The following COL12A1 variants were observed in gnomAD, a reference collection of about 807,000 sequenced individuals.
COL12A1 encodes the protein collagen type XII alpha 1 chain.
In COL12A1, 114 loss-of-function variants were observed where a neutral mutation model predicts 349.7. That is an observed-to-expected ratio of 0.33 (90% CI 0.28 to 0.38). COL12A1 has a LOEUF of 0.38. COL12A1 is among the 10% of genes least tolerant of loss of function. COL12A1 has a pLI of 1.00. For synonymous variants in COL12A1, 1,369 were observed against 1,329.0 expected (o/e 1.03, Z -0.66); for missense variants, 3,284 against 3,756.9 (o/e 0.87, Z 3.29).
rs190170428 is a variant in COL12A1, at chr6:75,178,325, G to A, written c.2165-390C>T. Among the ~76,000 whole-genome samples, 445 of 152,158 alleles carry A rather than the reference G, an allele frequency of 2.9e-3. 3 individuals are homozygous for A. The highest frequency in any genetic ancestry group is 5.0e-3 in the Non-Finnish European group (339 of 68,006). On this transcript the variant is annotated intron_variant, in intron 11 of 65. Coordinates refer to ENST00000322507, the MANE Select transcript of COL12A1 (RefSeq NM_004370.6). The stretch of plus-strand genomic sequence containing the variant: ...TTTCACTCTTACTACATTTTCTCAC[G>A]AAACTAGGAAAATAACACCTAACAC...
rs1247431265 is a variant in COL12A1, at chr6:75,151,240, G to A, written c.4048C>T (p.Pro1350Ser). ...EVELKMIATD[P>S]DDTHAYNVAD... ...ACATTGTATGCATGGGTATCATCAG[G>A]ATCAGTTGCAATCATCTTTAATTCG... Residue 1350 changes from proline (P) to serine (S), a missense_variant, in exon 21 of 66, where the codon CCT becomes TCT. Coordinates refer to ENST00000322507, the MANE Select transcript of COL12A1 (RefSeq NM_004370.6). 1 of 1,613,176 alleles carries A rather than the reference G, an allele frequency of 6.2e-7. No homozygotes were observed. The highest frequency in any genetic ancestry group is 8.5e-7 in the Non-Finnish European group (1 of 1,179,352).
At chr6:75,203,161 TC>T (rs1290667211) in intron 1 of COL12A1, among the ~76,000 whole-genome samples, 2 of 151,392 alleles carry the variant, frequency 1.3e-5, no homozygotes, top group Non-Finnish European at 2.9e-5. Context: ...ATTTTATCCC[TC>T]ACTCAACTAA....
intron 11 of COL12A1, 108 bp from the exon 12 acceptor site, chr6:75,178,043 A>AATGGT: frequency 9.7e-7 from 1 of 1,035,974 alleles, no homozygotes; most frequent in Non-Finnish European, 1.4e-6. Context: ...TCTCTAAAGA[A>AATGGT]ATCCATGAGC....
chr6:75,186,724 C>G (rs1769642207), intron 8 of COL12A1, among the ~76,000 whole-genome samples: 1 of 152,130 alleles, frequency 6.6e-6, no homozygotes, highest in Non-Finnish European at 1.5e-5. Context: ...ACCTAAAACC[C>G]TATCAATGAT....
intron 13 of COL12A1, 117 bp from the exon 14 acceptor site, chr6:75,165,896 A>T: frequency 4.9e-6 from 5 of 1,013,008 alleles, no homozygotes; most frequent in Non-Finnish European, 7.1e-6. Context: ...AATTTGTCTA[A>T]AATTGCCCAT....
intron 2 of COL12A1, 84 bp downstream of exon 2, chr6:75,202,636 C>T: frequency 7.5e-7 from 1 of 1,337,048 alleles, no homozygotes; most frequent in Non-Finnish European, 1.0e-6. Flanking sequence ...GAAAACAGAG[C>T]AAGCAATAGA....
rs34438461 is a variant in COL12A1 at position 75,130,857 on chromosome 6, C to G, written c.6062G>C (p.Arg2021Pro). Residue 2021 changes from arginine to proline, a missense_variant, in exon 36 of 66, where the codon CGA (arginine) becomes CCA (proline). Transcript: ENST00000322507. The stretch of plus-strand genomic sequence containing the variant: ...AGAAAGGATTTCTGCCTCACGCGTT[C>G]GGCCCTGGGCAGGGCTGGGATTTCC... The part of the protein sequence containing the change: ...GEGNPSPAQG[R>P]TLPRSGPRNL... The G allele has an allele frequency of 1.2e-6, 2 of 1,613,866 alleles. No homozygotes were observed. Among genetic ancestry groups the G allele is most frequent in the Non-Finnish European group, 8.5e-7 (1 of 1,179,952 alleles).
At chr6:75,109,444 G>T (rs572983400) in intron 51 of COL12A1, among the ~76,000 whole-genome samples, 16 of 152,200 alleles carry the variant, frequency 1.1e-4, no homozygotes, top group Middle Eastern at 3.4e-3. Context: ...TTACTGAGAT[G>T]ACCAGAGAGG....
intron 59 of COL12A1, among the ~76,000 whole-genome samples, chr6:75,096,797 G>A (rs1768054557): frequency 6.7e-6 from 1 of 149,968 alleles, no homozygotes; most frequent in Admixed American, 6.7e-5. Flanking sequence ...TCGGGAGGCT[G>A]AGGCAGGAGA....
intron 1 of COL12A1, among the ~76,000 whole-genome samples, chr6:75,204,144 G>T (rs963489611): frequency 6.6e-6 from 1 of 152,152 alleles, no homozygotes; most frequent in Non-Finnish European, 1.5e-5. Flanking sequence ...TATCTAAGGG[G>T]TCTAGCAATT....
Position 75,115,875 on chromosome 6 carries a change from A to G in COL12A1, c.7606T>C (p.Ser2536Pro). 1 of 1,613,632 alleles carries G rather than the reference A, an allele frequency of 6.2e-7. No individual in the cohort carries two copies. ...AYNLTEKNFA[S>P]VQGVSLESGS... is the part of the protein sequence containing the mutation. The stretch of plus-strand genomic sequence containing the variant: ...GACTCCAAAGATACTCCTTGTACAG[A>G]AGCAAAATTCTTTTCTGTCAGGTTG... Residue 2536 changes from serine (S) to proline (P), a missense_variant, in exon 49 of 66, where the codon TCT becomes CCT. By Grantham distance (74) the Ser-to-Pro change is moderately conservative. Around this residue, in one of 2 missense-constraint regions of COL12A1, gnomAD observed 683 missense variants for 932.1 expected, o/e 0.73. Transcript: ENST00000322507.
At chr6:75,171,310 A>G (rs1429197181) in intron 13 of COL12A1, among the ~76,000 whole-genome samples, 1 of 152,296 alleles carries the variant, frequency 6.6e-6, no homozygotes, top group South Asian at 2.1e-4. Flanking sequence ...TTGTGATTCT[A>G]TTGCATACAG....
At chr6:75,177,565 A>T in intron 12 of COL12A1, 98 bp downstream of exon 12, 4 of 1,445,604 alleles carry the variant, frequency 2.8e-6, no homozygotes, top group Non-Finnish European at 3.8e-6. Context: ...CAATTGAAAC[A>T]AAGTGTCTCA....
rs1765886486 is a variant in COL12A1 at position 75,124,055 on chromosome 6, G to A, written c.6764C>T (p.Thr2255Ile). The A allele has an allele frequency of 1.9e-6, 3 of 1,613,910 alleles. No individual in the cohort carries two copies. Among genetic ancestry groups the A allele is most frequent in the Middle Eastern group, 1.7e-4 (1 of 6,060 alleles). The part of the protein sequence containing the change: ...GQEITVRGSE[T>I]SHCFTGLSPD... ...TGAAAGGCCAGTGAAGCAGTGACTG[G>A]TTTCTGATCCACGCACTGTAATTTC... Residue 2255 changes from threonine (T) to isoleucine (I), a missense_variant, in exon 42 of 66, where the codon ACC becomes ATC. Thr to Ile is a moderately conservative substitution (Grantham distance 89, BLOSUM62 -1). Coordinates refer to ENST00000322507, the MANE Select transcript of COL12A1 (RefSeq NM_004370.6).
intron 7 of COL12A1, 53 bp downstream of exon 7, chr6:75,189,164 T>C: frequency 6.4e-7 from 1 of 1,555,510 alleles, no homozygotes; most frequent in East Asian, 2.2e-5. Flanking sequence ...TCCTAAACAT[T>C]AAGTATACTG....
rs1341300538 is a variant in COL12A1 at position 75,177,926 on chromosome 6, G to T, written c.2174C>A (p.Ala725Glu). The T allele has an allele frequency of 3.8e-6, 6 of 1,598,498 alleles. No homozygotes were observed. The highest frequency in any genetic ancestry group is 4.2e-6 in the Non-Finnish European group (5 of 1,176,874). ...ATCTGTCACCTTTAGGTTTCGAGGTGCTCCTTTTACTGAAATAAAAAAGGA... is the reference window on the plus strand; with the variant it reads ...ATCTGTCACCTTTAGGTTTCGAGGTTCTCCTTTTACTGAAATAAAAAAGGA... ...GEETTEEVKG[A>E]PRNLKVTDET... The change falls in exon 12 of 66, where the codon GCA becomes GAA. Residue 725 changes from alanine to glutamate, a missense_variant. This residue lies in a region of COL12A1 where 2,601 missense variants were observed against 2,824.8 expected (regional missense o/e 0.92). Coordinates refer to ENST00000322507, the MANE Select transcript of COL12A1 (RefSeq NM_004370.6).
intron 27 of COL12A1, among the ~76,000 whole-genome samples, chr6:75,141,148 A>G (rs1297484317): frequency 2.0e-5 from 3 of 152,198 alleles, no homozygotes; most frequent in Admixed American, 2.0e-4. Flanking sequence ...GTAAAACTAC[A>G]TATAAAACTC....
intron 58 of COL12A1, among the ~76,000 whole-genome samples, chr6:75,097,928 G>T (rs1768132648): frequency 6.6e-6 from 1 of 151,908 alleles, no homozygotes; most frequent in Non-Finnish European, 1.5e-5. Context: ...TCTCCCTATT[G>T]CTTTTACCAC....
chr6:75,180,676 T>C (rs562796083), intron 11 of COL12A1, among the ~76,000 whole-genome samples: 3 of 152,228 alleles, frequency 2.0e-5, no homozygotes, highest in African/African-American at 7.2e-5. Flanking sequence ...ATAAACAGTA[T>C]TTCAAAAGTT....
Sources: gnomAD v4.1 joint callset for allele counts (sites outside exome capture counted in the v4.1 genomes callset) on GRCh38, gnomAD v4.1.1 for gene constraint, gnomAD v4.1.1 regional missense constraint, MANE v1.5 for transcripts, NCBI Gene and HGNC (gene_info 2026-07-23, HGNC 2026-07-21) for gene names.